Variants in CHLSN observed in about 807,000 individuals in gnomAD.
CHLSN encodes cholesin.
the CHLSN span, among the ~76,000 whole-genome samples, chr7:993,732 A>G: frequency 2.0e-5 from 3 of 152,170 alleles, no homozygotes; most frequent in African/African-American, 7.2e-5. Flanking sequence ...AGCAGAGCTC[A>G]TGCCACCGCA....
chr7:1,006,669 G>A, the CHLSN span, among the ~76,000 whole-genome samples: 2 of 145,144 alleles, frequency 1.4e-5, no homozygotes, highest in Non-Finnish European at 3.0e-5. Context: ...CGGCCACAGC[G>A]CGGGGAAAGA....
chr7:1,118,951 T>TA, the CHLSN span, among the ~76,000 whole-genome samples: 17 of 149,684 alleles, frequency 1.1e-4, no homozygotes, highest in East Asian at 4.0e-4. Flanking sequence ...ATGAGACTCT[T>TA]AAAAAAAAAT....
the CHLSN span, among the ~76,000 whole-genome samples, chr7:1,066,039 C>A: frequency 3.9e-5 from 6 of 152,234 alleles, no homozygotes; most frequent in African/African-American, 9.6e-5. Context: ...CCTGCGCGGC[C>A]GGCACGGATG....
chr7:1,086,644 T>C, the CHLSN span, among the ~76,000 whole-genome samples: 2 of 151,294 alleles, frequency 1.3e-5, no homozygotes, highest in African/African-American at 4.9e-5. Context: ...CACCCCACTC[T>C]TGCACCTGCA....
At chr7:1,117,137 A>G in the CHLSN span, among the ~76,000 whole-genome samples, 57 of 43,462 alleles carry the variant, frequency 1.3e-3, no homozygotes, top group South Asian at 2.9e-3. Flanking sequence ...TGACATCACT[A>G]CAGCTCTACG....
At chr7:1,118,698 C>T in the CHLSN span, among the ~76,000 whole-genome samples, 263 of 150,456 alleles carry the variant, frequency 1.7e-3, no homozygotes, top group African/African-American at 5.7e-3. Flanking sequence ...AGGTGGCTCA[C>T]GCCTGTAATA....
chr7:1,097,130 A>T, the CHLSN span, among the ~76,000 whole-genome samples: 5 of 152,198 alleles, frequency 3.3e-5, no homozygotes, highest in Admixed American at 3.3e-4. This position sits in a 1 kb window ranked among gnomAD's most constrained non-coding sequence, Gnocchi z 4.3. Context: ...CACACAGACT[A>T]CGCGAGTACG....
the CHLSN span, among the ~76,000 whole-genome samples, chr7:1,016,621 GAGCACAGT>G: frequency 1.3e-3 from 149 of 116,994 alleles, no homozygotes; most frequent in African/African-American, 2.2e-3. Context: ...GCGCACGCCA[GAGCACAGT>G]AGCGCACGCC....
At chr7:1,020,238 C>T in the CHLSN span, among the ~76,000 whole-genome samples, 2 of 152,220 alleles carry the variant, frequency 1.3e-5, no homozygotes, top group African/African-American at 2.4e-5. Flanking sequence ...CCTGTGAACA[C>T]GCGCTGCAGC....
the CHLSN span, chr7:1,023,013 G>T: frequency 1.4e-4 from 63 of 461,568 alleles, no homozygotes; most frequent in South Asian, 9.3e-4. This position sits in a 1 kb window ranked among gnomAD's most constrained non-coding sequence, Gnocchi z 5.0. Context: ...AGGACAGGGA[G>T]AGCGGCCGCC....
the CHLSN span, among the ~76,000 whole-genome samples, chr7:1,090,452 G>A: frequency 1.3e-5 from 2 of 151,456 alleles, no homozygotes; most frequent in African/African-American, 2.4e-5. Context: ...CTCCCCACTC[G>A]CAGCAGGGCC....
chr7:1,105,230 C>T, the CHLSN span, among the ~76,000 whole-genome samples: 1 of 152,194 alleles, frequency 6.6e-6, no homozygotes, highest in Non-Finnish European at 1.5e-5. Flanking sequence ...TATACTGTGA[C>T]CAGCAATTTC....
chr7:1,036,285 T>G, the CHLSN span, among the ~76,000 whole-genome samples: 1 of 150,948 alleles, frequency 6.6e-6, no homozygotes, highest in Non-Finnish European at 1.5e-5. Flanking sequence ...TGTGGCCATG[T>G]AGGGTTCGGG....
the CHLSN span, among the ~76,000 whole-genome samples, chr7:991,264 TGACCCC>T: frequency 6.6e-6 from 1 of 152,040 alleles, no homozygotes; most frequent in Admixed American, 6.5e-5. Flanking sequence ...ACCCCAACCC[TGACCCC>T]GCTCGCCCGA....
chr7:1,017,031 C>G, the CHLSN span, among the ~76,000 whole-genome samples: 2 of 150,634 alleles, frequency 1.3e-5, no homozygotes, highest in East Asian at 1.9e-4. Flanking sequence ...AGCGCCCACC[C>G]ACGCACCCTG....
chr7:989,889 G>A, the CHLSN span, among the ~76,000 whole-genome samples: 5 of 146,088 alleles, frequency 3.4e-5, no homozygotes, highest in South Asian at 2.2e-4. Context: ...TCGGCAGTGT[G>A]AGTGGCGCGT....
chr7:1,122,371 GC>G, the CHLSN span, among the ~76,000 whole-genome samples: 1 of 152,236 alleles, frequency 6.6e-6, no homozygotes, highest in South Asian at 2.1e-4. Context: ...ACTGACAGCA[GC>G]AGGGAGGCGG....
chr7:999,927 C>T, the CHLSN span, among the ~76,000 whole-genome samples: 1 of 152,258 alleles, frequency 6.6e-6, no homozygotes, highest in Non-Finnish European at 1.5e-5. Context: ...CTCTATCTCA[C>T]ATCCTGCCCC....
chr7:1,137,578 T>C, the CHLSN span: 1 of 152,330 alleles, frequency 6.6e-6, no homozygotes, highest in African/African-American at 2.4e-5. Flanking sequence ...GGCAGGAGGA[T>C]CCATCGCTTG....
Sources: allele counts gnomAD v4.1 joint callset (sites outside exome capture counted in the v4.1 genomes callset), GRCh38; gene constraint gnomAD v4.1.1; non-coding constraint Gnocchi (gnomAD v3.1); transcripts MANE v1.5; gene names NCBI Gene and HGNC (gene_info 2026-07-23, HGNC 2026-07-21).